The following PAX5 variants were observed in gnomAD, a reference collection of about 807,000 sequenced individuals.
PAX5 encodes paired box 5.
In PAX5, 9 loss-of-function variants were observed where a neutral mutation model predicts 43.7. That is an observed-to-expected ratio of 0.21 (90% CI 0.12 to 0.36). The LOEUF (loss-of-function observed/expected upper bound fraction) is 0.36, where lower values mean the gene tolerates loss of function less well. Among genes scored for constraint, PAX5 ranks in the 10% least tolerant of loss-of-function variants. The probability of loss-of-function intolerance (pLI) is 1.00; values close to 1 mark genes in which losing one functional copy is unlikely to be tolerated. For synonymous variants in PAX5, 228 were observed against 214.3 expected, an observed-to-expected ratio of 1.06 and a Z score of -0.56; for missense variants, 383 against 532.7, an observed-to-expected ratio of 0.72 and a Z score of 2.77.
intron 8 of PAX5, among the ~76,000 whole-genome samples, chr9:36,859,015 T>C (rs1823935853): frequency 6.6e-6 from 1 of 152,186 alleles, no homozygotes. Flanking sequence ...CCTCACCAAG[T>C]GTCTGCGAGG....
intron 6 of PAX5, among the ~76,000 whole-genome samples, chr9:36,926,159 T>C (rs1830623797): frequency 6.6e-6 from 1 of 152,218 alleles, no homozygotes; most frequent in African/African-American, 2.4e-5. Flanking sequence ...AGCTTCTAGG[T>C]GCCCAAGCCA....
intron 6 of PAX5, among the ~76,000 whole-genome samples, chr9:36,932,290 T>C (rs1588010615): frequency 6.6e-6 from 1 of 152,230 alleles, no homozygotes; most frequent in East Asian, 1.9e-4. Flanking sequence ...TTGTGTCTTT[T>C]AAAGATTCAT....
chr9:37,022,492 A>T (rs183514325), intron 1 of PAX5, among the ~76,000 whole-genome samples: 1 of 152,344 alleles, frequency 6.6e-6, no homozygotes, highest in East Asian at 1.9e-4. Context: ...GTATAAGCTC[A>T]TCTGGGAAAA....
intron 7 of PAX5, among the ~76,000 whole-genome samples, chr9:36,909,183 C>A (rs575917861): frequency 4.6e-5 from 7 of 152,284 alleles, no homozygotes; most frequent in African/African-American, 1.7e-4. Context: ...GCAAATACTT[C>A]AAATTTCAAT....
intron 1 of PAX5, among the ~76,000 whole-genome samples, chr9:37,024,419 T>A (rs1232936425): frequency 6.6e-6 from 1 of 152,152 alleles, no homozygotes; most frequent in African/African-American, 2.4e-5. Flanking sequence ...AGAAACTGAC[T>A]GGGCCAGGAG....
At chr9:36,865,866 T>C (rs1235136954) in intron 8 of PAX5, among the ~76,000 whole-genome samples, 2 of 152,240 alleles carry the variant, frequency 1.3e-5, no homozygotes, top group Non-Finnish European at 2.9e-5. Flanking sequence ...CTCCTAGCAG[T>C]GAAGCGTGGG....
At chr9:37,011,147 A>G (rs1039243246) in intron 3 of PAX5, among the ~76,000 whole-genome samples, 1 of 150,198 alleles carries the variant, frequency 6.7e-6, no homozygotes, top group East Asian at 1.9e-4. Flanking sequence ...AAAAAAAAAA[A>G]GAAAGAGGAA....
At chr9:36,992,311 AATCAAT>A (rs1233289045) in intron 5 of PAX5, among the ~76,000 whole-genome samples, 2 of 152,196 alleles carry the variant, frequency 1.3e-5, no homozygotes, top group African/African-American at 2.4e-5. Context: ...TTTCATTCCC[AATCAAT>A]AGCATTGCTA....
chr9:36,875,595 C>T lies in PAX5; in HGVS notation c.1012+6409G>A, dbSNP rs74757610. Among the ~76,000 whole-genome samples, 469 of 152,148 alleles carry T rather than the reference C, an allele frequency of 3.1e-3. 3 individuals carry two copies. Among genetic ancestry groups the T allele is most frequent in the Non-Finnish European group, 3.6e-3 (247 of 68,006 alleles). ...TAAGCCCTAGAACCCATGATTATGT[C>T]GGATTACATGGCAGAGGGGAATTAG... On this transcript the variant is annotated intron_variant, in intron 8 of 9. Coordinates refer to ENST00000358127, the MANE Select transcript of PAX5 (RefSeq NM_016734.3).
At chr9:36,995,422 G>A (rs1837310082) in intron 5 of PAX5, among the ~76,000 whole-genome samples, 1 of 152,192 alleles carries the variant, frequency 6.6e-6, no homozygotes, top group South Asian at 2.1e-4. Context: ...GGAAAGGGAG[G>A]CCCGCGAGAG....
intron 2 of PAX5, among the ~76,000 whole-genome samples, chr9:37,018,263 A>G (rs1049077628): frequency 1.3e-5 from 2 of 152,174 alleles, no homozygotes; most frequent in East Asian, 1.9e-4. Flanking sequence ...ATACTACCCA[A>G]TACCAATGAC....
chr9:36,858,153 C>T (rs191354730), intron 8 of PAX5, among the ~76,000 whole-genome samples: 11 of 152,318 alleles, frequency 7.2e-5, no homozygotes, highest in Non-Finnish European at 1.6e-4. Flanking sequence ...ATTTCAAAGT[C>T]CTTTGTGAAT....
chr9:37,005,929 C>T (rs895900774), intron 4 of PAX5, among the ~76,000 whole-genome samples: 5 of 152,294 alleles, frequency 3.3e-5, no homozygotes, highest in Middle Eastern at 6.8e-3. Context: ...CACTCTCAGA[C>T]GTCACCTGCG....
At chr9:36,908,072 AC>A (rs1217526392) in intron 7 of PAX5, among the ~76,000 whole-genome samples, 2 of 151,868 alleles carry the variant, frequency 1.3e-5, no homozygotes, top group East Asian at 3.9e-4. Context: ...AGTGGCGTGC[AC>A]CTGTAGTCCC....
rs536123544 is a variant in PAX5, at chr9:36,845,683, A to G, written c.1099+1160T>C. ...GAGCATGGAATGGTAGTAGCAAGAG[A>G]GAAGTGGTTTCCATACTGTGTGTCT... On this transcript the variant is annotated intron_variant, in intron 9 of 9. Transcript: ENST00000358127. Among the ~76,000 whole-genome samples the G allele has an allele frequency of 7.9e-5, 12 of 152,310 alleles. No individual in the cohort carries two copies. In the South Asian group the frequency reaches 2.5e-3, roughly 32 times the overall value.
At chr9:36,856,962 C>T (rs1823744020) in intron 8 of PAX5, among the ~76,000 whole-genome samples, 1 of 152,136 alleles carries the variant, frequency 6.6e-6, no homozygotes, top group South Asian at 2.1e-4. Flanking sequence ...TGCCAGAAGC[C>T]CCCATCCCAG....
rs1298065389 is a variant in PAX5, at chr9:37,028,117, C to CA, written c.46+5868dup. On this transcript the variant is annotated intron_variant, in intron 1 of 9. Transcript: ENST00000358127. The stretch of plus-strand genomic sequence containing the variant: ...GAATGGGGGAAGTCTCCAAAAAAAC[C>CA]AAAAAACAAAAAATGTATGTTGGAG... 3.3e-5 allele frequency among the ~76,000 whole-genome samples: 5 copies of CA among 151,986 alleles called. No individual in the cohort carries two copies. The East Asian group carries it at 9.6e-4, about 29-fold the overall frequency.
intron 6 of PAX5, among the ~76,000 whole-genome samples, chr9:36,930,518 C>T (rs908684798): frequency 6.6e-6 from 1 of 152,194 alleles, no homozygotes; most frequent in African/African-American, 2.4e-5. Context: ...TGAGCCACTG[C>T]GCCTGGCCCT....
intron 7 of PAX5, among the ~76,000 whole-genome samples, chr9:36,918,739 C>T (rs1318604318): frequency 6.6e-6 from 1 of 152,176 alleles, no homozygotes; most frequent in Non-Finnish European, 1.5e-5. Context: ...AAGGCACTAA[C>T]TCTCTTTAAT....
Sources: allele counts gnomAD v4.1 joint callset (sites outside exome capture counted in the v4.1 genomes callset), GRCh38; gene constraint gnomAD v4.1.1; transcripts MANE v1.5; gene names NCBI Gene and HGNC (gene_info 2026-07-23, HGNC 2026-07-21).